The following NIPAL2 variants were observed in gnomAD, a reference collection of about 807,000 sequenced individuals.
NIPAL2 encodes NIPA like domain containing 2.
NIPAL2 carries 43 observed loss-of-function variants against 48.9 expected under a neutral mutation model. The observed-to-expected ratio is 0.88, with a 90% CI of 0.69 to 1.13. The LOEUF (loss-of-function observed/expected upper bound fraction) is 1.13. Among genes scored for constraint, NIPAL2 ranks in the 50% most tolerant of loss-of-function variants. NIPAL2 has a pLI of 0.00. For missense variants in NIPAL2, 446 were observed against 461.4 expected (o/e 0.97, Z 0.31); for synonymous variants, 167 against 174.6 (o/e 0.96, Z 0.34).
Position 98,203,133 on chromosome 8 carries a change from G to GA in NIPAL2, c.854dup (p.Phe286LeufsTer56). 6.2e-7 allele frequency: 1 copy of GA among 1,614,084 alleles called. No individual in the cohort carries two copies. Among genetic ancestry groups the GA allele is most frequent in the Non-Finnish European group, 8.5e-7 (1 of 1,179,938 alleles). ...CTGCAATGATGGCACTGATTGTAAAGAAAATATGATTAACTGGCACCACTG... is the reference window on the plus strand; with the variant it reads ...CTGCAATGATGGCACTGATTGTAAAGAAAAATATGATTAACTGGCACCACTG... On this transcript the variant is annotated frameshift_variant, in exon 8 of 11. Coordinates refer to ENST00000430223, the MANE Select transcript of NIPAL2 (RefSeq NM_001321635.2). LOFTEE classifies it high-confidence loss of function.
intron 1 of NIPAL2, among the ~76,000 whole-genome samples, chr8:98,280,536 C>T (rs1428262289): frequency 1.3e-5 from 2 of 151,622 alleles, no homozygotes; most frequent in Non-Finnish European, 2.9e-5. Flanking sequence ...GGGTGTTCAG[C>T]TCACCCCATT....
intron 1 of NIPAL2, among the ~76,000 whole-genome samples, chr8:98,280,349 G>A (rs1815729211): frequency 6.6e-6 from 1 of 152,140 alleles, no homozygotes; most frequent in Non-Finnish European, 1.5e-5. Flanking sequence ...CGCTTTGTAT[G>A]CAACTCACAA....
chr8:98,283,441 A>T (rs1322661705), intron 1 of NIPAL2, among the ~76,000 whole-genome samples: 3 of 152,254 alleles, frequency 2.0e-5, no homozygotes, highest in South Asian at 2.1e-4. Context: ...TTAATCCTGT[A>T]TAATATTGGG....
At chr8:98,282,872 A>C (rs1246044465) in intron 1 of NIPAL2, among the ~76,000 whole-genome samples, 1 of 152,216 alleles carries the variant, frequency 6.6e-6, no homozygotes, top group Non-Finnish European at 1.5e-5. Context: ...TATGTGAAAA[A>C]GAAGAAAGAA....
chr8:98,276,389 T>C (rs985582922), intron 1 of NIPAL2, among the ~76,000 whole-genome samples: 10 of 152,214 alleles, frequency 6.6e-5, no homozygotes, highest in Non-Finnish European at 1.2e-4. Context: ...TAATATGCAT[T>C]TCAACTTCTT....
intron 4 of NIPAL2, 144 bp from the exon 5 acceptor site, chr8:98,222,744 G>A (rs567870605): frequency 1.6e-5 from 12 of 772,654 alleles, no homozygotes; most frequent in Non-Finnish European, 2.5e-5. Flanking sequence ...AACCATCCTT[G>A]GATAGCGTCC....
At chr8:98,215,681 C>T (rs146330861) in intron 5 of NIPAL2, among the ~76,000 whole-genome samples, 152 of 152,278 alleles carry the variant, frequency 1.0e-3, no homozygotes, top group African/African-American at 3.6e-3. Flanking sequence ...CTGGTCTAAT[C>T]TCTAGAAGCT....
chr8:98,285,440 C>T (rs1444305413), intron 1 of NIPAL2, among the ~76,000 whole-genome samples: 1 of 152,182 alleles, frequency 6.6e-6, no homozygotes, highest in Non-Finnish European at 1.5e-5. Context: ...TAACATCATC[C>T]AATCAGACTA....
Position 98,280,761 on chromosome 8 carries a change from T to TATATATATAGAG in NIPAL2, c.135+13241_135+13242insCTCTATATATAT. Among the ~76,000 whole-genome samples the TATATATATAGAG allele has an allele frequency of 7.7e-3, 232 of 30,002 alleles. 6 individuals are homozygous for TATATATATAGAG. The highest frequency in any genetic ancestry group is 0.038 in the Middle Eastern group (2 of 52). The allele number at this position is 30,002 out of a possible 152,430, so 19.7% of individuals were successfully genotyped here. On this transcript the variant is annotated intron_variant, in intron 1 of 10. Coordinates refer to ENST00000430223, the MANE Select transcript of NIPAL2 (RefSeq NM_001321635.2). ...CTATATATATATATATATATATATA[T>TATATATATAGAG]AGAGAGAGAGAGAGAGAGAGAGAGA...
At chr8:98,284,396 G>C (rs1816031567) in intron 1 of NIPAL2, among the ~76,000 whole-genome samples, 1 of 132,772 alleles carries the variant, frequency 7.5e-6, no homozygotes, top group Non-Finnish European at 1.6e-5. Flanking sequence ...TATTTCTAAG[G>C]CATTCTCTCT....
At chr8:98,249,716 CATA>C (rs1813490171) in intron 3 of NIPAL2, among the ~76,000 whole-genome samples, 1 of 144,368 alleles carries the variant, frequency 6.9e-6, no homozygotes, top group Non-Finnish European at 1.5e-5. Flanking sequence ...ATATATTAAA[CATA>C]ATCAATAAAA....
At chr8:98,220,066 C>A (rs747052449) in intron 5 of NIPAL2, among the ~76,000 whole-genome samples, 1 of 150,910 alleles carries the variant, frequency 6.6e-6, no homozygotes, top group Non-Finnish European at 1.5e-5. Context: ...AACAGAGAAA[C>A]CTAAGTATCT....
intron 6 of NIPAL2, among the ~76,000 whole-genome samples, chr8:98,209,286 T>G (rs1811189606): frequency 6.6e-6 from 1 of 152,000 alleles, no homozygotes; most frequent in African/African-American, 2.4e-5. Context: ...CAAATTGTTG[T>G]AAGTGTTACA....
At chr8:98,199,881 G>C (rs1156870855) in intron 8 of NIPAL2, among the ~76,000 whole-genome samples, 2 of 151,926 alleles carry the variant, frequency 1.3e-5, no homozygotes, top group African/African-American at 2.4e-5. Context: ...ATTTTTGTGG[G>C]GTTTTTTAGA....
intron 5 of NIPAL2, among the ~76,000 whole-genome samples, chr8:98,216,085 G>C (rs532395979): frequency 6.6e-6 from 1 of 152,278 alleles, no homozygotes; most frequent in South Asian, 2.1e-4. Context: ...CATAGCATAT[G>C]GCTTCTCTGT....
intron 4 of NIPAL2, among the ~76,000 whole-genome samples, chr8:98,223,984 T>C (rs1311558554): frequency 6.6e-6 from 1 of 152,210 alleles, no homozygotes; most frequent in Non-Finnish European, 1.5e-5. Flanking sequence ...AAAAACTGTT[T>C]TCTAAACTTG....
intron 8 of NIPAL2, among the ~76,000 whole-genome samples, chr8:98,202,091 A>C (rs1810828275): frequency 1.3e-5 from 2 of 152,248 alleles, no homozygotes; most frequent in Admixed American, 6.5e-5. Context: ...CGAGTTTCAA[A>C]TTTATACTTT....
At chr8:98,198,948 C>G (rs1343128306) in intron 8 of NIPAL2, among the ~76,000 whole-genome samples, 1 of 150,074 alleles carries the variant, frequency 6.7e-6, no homozygotes, top group Non-Finnish European at 1.5e-5. Flanking sequence ...TTTTCTTTTT[C>G]TTTTTCTTTT....
In NIPAL2 at chr8:98,252,475, C is replaced by G; in HGVS notation, c.364G>C (p.Val122Leu). 1 of 1,608,170 alleles carries G rather than the reference C, an allele frequency of 6.2e-7. No individual in the cohort carries two copies. Among genetic ancestry groups the G allele is most frequent in the Non-Finnish European group, 8.5e-7 (1 of 1,177,364 alleles). The part of the protein sequence containing the change: ...PITLIAPLGC[V>L]SVTGSAIISV... ...CAGAATGGCTTACCTGTAACAGACACACAGCCTAACGGAGCGATCAGAGTA... is the reference window on the plus strand; with the variant it reads ...CAGAATGGCTTACCTGTAACAGACAGACAGCCTAACGGAGCGATCAGAGTA... The change falls in exon 3 of 11, where the codon GTG becomes CTG. Residue 122 changes from valine to leucine, a missense_variant. Coordinates refer to ENST00000430223, the MANE Select transcript of NIPAL2 (RefSeq NM_001321635.2).
Sources: allele counts gnomAD v4.1 joint callset (sites outside exome capture counted in the v4.1 genomes callset), GRCh38; gene constraint gnomAD v4.1.1; transcripts MANE v1.5; gene names NCBI Gene and HGNC (gene_info 2026-07-23, HGNC 2026-07-21).